UNC13C: variants seen among roughly 807,000 people sequenced by gnomAD.
UNC13C encodes unc-13 homolog C, also known as protein unc-13 homolog C.
UNC13C carries 174 observed loss-of-function variants against 245.4 expected under a neutral mutation model. The ratio of observed to expected loss-of-function variants is 0.71; its 90% confidence interval spans 0.63 to 0.80. The LOEUF (loss-of-function observed/expected upper bound fraction) is 0.80, where lower values mean the gene tolerates loss of function less well. Ranked by LOEUF, UNC13C falls within the 30% of genes least tolerant of loss-of-function variation. UNC13C has a pLI of 0.00. For synonymous variants in UNC13C, 992 were observed against 895.1 expected (o/e 1.11, Z -1.93); for missense variants, 2,829 against 2,602.9 (o/e 1.09, Z -1.89).
chr15:54,180,830 A>G (rs932843276), intron 4 of UNC13C, among the ~76,000 whole-genome samples: 6 of 151,806 alleles, frequency 4.0e-5, no homozygotes, highest in Non-Finnish European at 5.9e-5. Flanking sequence ...GTCCATTTTG[A>G]TGGCATTATT....
intron 2 of UNC13C, among the ~76,000 whole-genome samples, chr15:54,124,256 A>G (rs1275250678): frequency 1.3e-5 from 2 of 152,200 alleles, no homozygotes; most frequent in African/African-American, 4.8e-5. Flanking sequence ...GTTTAGCTTT[A>G]TGACATCGTA....
At chr15:54,046,937 A>G (rs1897062848) in intron 2 of UNC13C, among the ~76,000 whole-genome samples, 1 of 152,082 alleles carries the variant, frequency 6.6e-6, no homozygotes, top group South Asian at 2.1e-4. Context: ...GATAGGGGTA[A>G]GAGACACAAT....
At chr15:54,164,986 A>G (rs2033115337) in intron 4 of UNC13C, among the ~76,000 whole-genome samples, 1 of 152,186 alleles carries the variant, frequency 6.6e-6, no homozygotes, top group African/African-American at 2.4e-5. Flanking sequence ...GTAAAATCCT[A>G]TATCCAGAGG....
intron 11 of UNC13C, 46 bp downstream of exon 11, chr15:54,294,110 CT>C (rs763816157): frequency 1.4e-6 from 2 of 1,442,902 alleles, no homozygotes; most frequent in East Asian, 2.6e-5. Flanking sequence ...AATAAAACCC[CT>C]GAATACCTGT....
intron 29 of UNC13C, among the ~76,000 whole-genome samples, chr15:54,557,474 ACCAAAC>A (rs1897136444): frequency 6.6e-6 from 1 of 151,926 alleles, no homozygotes; most frequent in South Asian, 2.1e-4. Context: ...TTACTGTCCT[ACCAAAC>A]ATTAATTGTG....
chr15:54,542,559 A>C (rs1896295438), intron 26 of UNC13C, among the ~76,000 whole-genome samples: 1 of 152,000 alleles, frequency 6.6e-6, no homozygotes, highest in Admixed American at 6.6e-5. Context: ...ATCCTTGTTA[A>C]TTTTCTGTCT....
chr15:54,483,195 T>C (rs1893222549), intron 19 of UNC13C, among the ~76,000 whole-genome samples: 1 of 152,238 alleles, frequency 6.6e-6, no homozygotes, highest in Non-Finnish European at 1.5e-5. Context: ...CTTTGCATGC[T>C]TTTAAATTAA....
intron 29 of UNC13C, among the ~76,000 whole-genome samples, chr15:54,556,841 A>T (rs1897111969): frequency 6.6e-6 from 1 of 152,010 alleles, no homozygotes; most frequent in African/African-American, 2.4e-5. Flanking sequence ...TATTAGGTCA[A>T]TGCATGGCTT....
At chr15:54,421,096 CA>C (rs1390055522) in intron 19 of UNC13C, among the ~76,000 whole-genome samples, 1 of 151,886 alleles carries the variant, frequency 6.6e-6, no homozygotes, top group African/African-American at 2.4e-5. Context: ...ATTTGATCCC[CA>C]CAACAAGCCT....
At position 54,309,224 on chromosome 15, in the gene UNC13C, C is replaced by G. The variant is rs544292143; in HGVS notation, c.4268+8851C>G. Among the ~76,000 whole-genome samples, 3 of 151,528 alleles carry G rather than the reference C, an allele frequency of 2.0e-5. No individual in the cohort carries two copies. The East Asian group carries it at 5.9e-4, about 30-fold the overall frequency. On this transcript the variant is annotated intron_variant, in intron 13 of 32. Coordinates refer to ENST00000260323, the MANE Select transcript of UNC13C (RefSeq NM_001080534.3). ...CAATAGGAGTGAGGTGATAGCTTAT[C>G]GTGGTTTTAATTTGCATTTCTCTGA...
intron 8 of UNC13C, among the ~76,000 whole-genome samples, chr15:54,253,629 T>G (rs1236597148): frequency 6.6e-6 from 1 of 152,162 alleles, no homozygotes; most frequent in Non-Finnish European, 1.5e-5. Context: ...GTGAAATAAT[T>G]TAATTATAAT....
chr15:54,054,936 T>A (rs149329794), intron 2 of UNC13C, among the ~76,000 whole-genome samples: 23 of 152,290 alleles, frequency 1.5e-4, no homozygotes, highest in African/African-American at 5.5e-4. Context: ...GTGAGTTGTA[T>A]CATCTGCATT....
chr15:54,090,318 A>T (rs1899495983), intron 2 of UNC13C, among the ~76,000 whole-genome samples: 2 of 152,126 alleles, frequency 1.3e-5, no homozygotes, highest in South Asian at 2.1e-4. Flanking sequence ...AAAAGCTGGT[A>T]AAAAGGCTTA....
chr15:54,443,625 A>C (rs1285372456), intron 19 of UNC13C, among the ~76,000 whole-genome samples: 1 of 152,036 alleles, frequency 6.6e-6, no homozygotes, highest in East Asian at 1.9e-4. Context: ...TTGTTTCAAT[A>C]AACTTTCTGA....
intron 8 of UNC13C, among the ~76,000 whole-genome samples, chr15:54,256,816 T>C (rs2036290696): frequency 6.6e-6 from 1 of 152,194 alleles, no homozygotes; most frequent in South Asian, 2.1e-4. Flanking sequence ...CAACCACTCA[T>C]ATTAATTAGG....
At chr15:54,301,695 G>A (rs1026122668) in intron 13 of UNC13C, among the ~76,000 whole-genome samples, 2 of 152,156 alleles carry the variant, frequency 1.3e-5, no homozygotes, top group African/African-American at 4.8e-5. Flanking sequence ...TCATTGATGG[G>A]CATTTGGGTT....
intron 4 of UNC13C, among the ~76,000 whole-genome samples, chr15:54,164,031 G>GA (rs142354279): frequency 6.6e-6 from 1 of 151,826 alleles, no homozygotes; most frequent in Non-Finnish European, 1.5e-5. Context: ...TGCTCTTACA[G>GA]AAAAAAAGGG....
chr15:54,051,042 T>C (rs1421946263), intron 2 of UNC13C, among the ~76,000 whole-genome samples: 1 of 152,248 alleles, frequency 6.6e-6, no homozygotes, highest in African/African-American at 2.4e-5. Context: ...TTAACTATGA[T>C]GTATGTTGCA....
the UNC13C span, among the ~76,000 whole-genome samples, chr15:53,964,691 A>G: frequency 1.3e-5 from 2 of 152,198 alleles, no homozygotes; most frequent in Admixed American, 6.5e-5. Context: ...TATCCATGAA[A>G]CAAAGACTAT....
Sources: gnomAD v4.1 joint callset for allele counts (sites outside exome capture counted in the v4.1 genomes callset) on GRCh38, gnomAD v4.1.1 for gene constraint, MANE v1.5 for transcripts, NCBI Gene and HGNC (gene_info 2026-07-23, HGNC 2026-07-21) for gene names.